The following SRCAP variants were observed in gnomAD, a reference collection of about 807,000 sequenced individuals.
The protein encoded by SRCAP is Snf2 related CREBBP activator protein, also known as chromatin remodeling protein SRCAP.
A neutral mutation model predicts 263.1 loss-of-function variants in SRCAP; 46 were observed. That is an observed-to-expected ratio of 0.17 (90% confidence interval 0.14 to 0.22). The LOEUF is 0.22. Among genes scored for constraint, SRCAP ranks in the 10% least tolerant of loss-of-function variants. The pLI, the probability that SRCAP is intolerant of heterozygous loss-of-function variation, is 1.00. For synonymous variants in SRCAP, 1,813 were observed against 1,662.1 expected (o/e 1.09, Z -2.21); for missense variants, 3,695 against 4,181.9 (o/e 0.88, Z 3.21).
chr16:30,721,452 C>T lies in SRCAP; in HGVS notation c.3517C>T (p.Pro1173Ser), dbSNP rs779616437. Residue 1173 changes from proline to serine, a missense_variant, in exon 21 of 34, where the codon CCC becomes TCC. Pro to Ser is a moderately conservative substitution (Grantham distance 74). Around this residue, in one of 12 missense-constraint regions of SRCAP, gnomAD observed 1,347 missense variants for 1,304.4 expected, o/e 1.03. Coordinates refer to ENST00000262518, the MANE Select transcript of SRCAP (RefSeq NM_006662.3). The part of the protein sequence containing the change: ...TPAPQRLILS[P>S]DMQARLPSGE... ...TGCACCACAGCGCCTCATTCTATCT[C>T]CCGATATGCAGGCTCGCCTGCCCTG... The T allele has an allele frequency of 1.9e-6, 3 of 1,611,600 alleles. No individual in the cohort carries two copies. Among genetic ancestry groups the T allele is most frequent in the Non-Finnish European group, 2.5e-6 (3 of 1,180,026 alleles).
intron 18 of SRCAP, among the ~76,000 whole-genome samples, chr16:30,719,790 A>G (rs542670134): frequency 6.6e-6 from 1 of 152,302 alleles, no homozygotes; most frequent in African/African-American, 2.4e-5. Context: ...CTGGGATTAC[A>G]GGTTTGAGCC....
rs2053094101 is a variant in SRCAP at position 30,729,572 on chromosome 16, G to A, written c.6127G>A (p.Gly2043Arg). 6.2e-7 allele frequency: 1 copy of A among 1,614,070 alleles called. No individual in the cohort carries two copies. Among genetic ancestry groups the A allele is most frequent in the Non-Finnish European group, 8.5e-7 (1 of 1,180,012 alleles). The part of the protein sequence containing the change: ...PDLRLIQYDC[G>R]KLQTLAVLLR... ...CTTAAGACTCATCCAGTATGATTGC[G>A]GTGAGTTTGTTGGCCAGTGTAGGAC... Residue 2043 changes from glycine to arginine, a missense_variant and splice_region_variant, in exon 27 of 34, where the codon GGA becomes AGA. Around this residue, in one of 12 missense-constraint regions of SRCAP, gnomAD observed 138 missense variants for 254.9 expected, o/e 0.54. Transcript: ENST00000262518.
intron 4 of SRCAP, among the ~76,000 whole-genome samples, chr16:30,706,961 T>A (rs2052834318): frequency 6.6e-6 from 1 of 152,188 alleles, no homozygotes; most frequent in Non-Finnish European, 1.5e-5. Flanking sequence ...AGCTGTGTGA[T>A]CTTGGGCAAA....
In SRCAP at chr16:30,716,388, C is replaced by G; in HGVS notation, c.2726C>G (p.Pro909Arg). Reference sequence around the variant, plus strand: ...TGCAATCATCCAAATCTGTTCGACCCTCGACCGGTTACCTCCCCTTTCATC... The same window carrying G: ...TGCAATCATCCAAATCTGTTCGACCGTCGACCGGTTACCTCCCCTTTCATC... Reference protein sequence around the residue: ...KVCNHPNLFDPRPVTSPFITP... With the variant: ...KVCNHPNLFDRRPVTSPFITP... Residue 909 changes from proline to arginine, a missense_variant, in exon 18 of 34, where the codon CCT (proline) becomes CGT (arginine). Transcript: ENST00000262518. 2 of 1,614,196 alleles carry G rather than the reference C, an allele frequency of 1.2e-6. No individual in the cohort carries two copies. The highest frequency in any genetic ancestry group is 1.7e-6 in the Non-Finnish European group (2 of 1,180,046).
rs555360050 is a variant in SRCAP, at chr16:30,725,169, A to C, written c.5658+87A>C. ...GGATGGAACAGTGATGTCACATTTA[A>C]CCTGGTGAATTACAAAGCTTAATGT... On this transcript the variant is annotated intron_variant, in intron 25 of 33. Coordinates refer to ENST00000262518, the MANE Select transcript of SRCAP (RefSeq NM_006662.3). 1.2e-4 allele frequency: 177 copies of C among 1,512,464 alleles called. No individual in the cohort carries two copies. In the African/African-American group the frequency reaches 2.3e-3, roughly 19 times the overall value. 93.7% of individuals were successfully genotyped at this position (1,512,464 alleles called of 1,614,324 possible).
At chr16:30,713,407 G>A (rs758479922) in intron 15 of SRCAP, 30 bp downstream of exon 15, 29 of 1,613,544 alleles carry the variant, frequency 1.8e-5, no homozygotes, top group Non-Finnish European at 2.4e-5. Flanking sequence ...TTCATGGGAG[G>A]GTTGACTTGG....
intron 3 of SRCAP, among the ~76,000 whole-genome samples, chr16:30,701,686 A>C (rs544356080): frequency 6.8e-6 from 1 of 146,340 alleles, no homozygotes; most frequent in Non-Finnish European, 1.5e-5. Context: ...CTGGAATGCA[A>C]TGGCGCGATC....
At chr16:30,707,820 A>G (rs1364385812) in intron 6 of SRCAP, 108 bp downstream of exon 6, 33 of 1,394,664 alleles carry the variant, frequency 2.4e-5, no homozygotes, top group Non-Finnish European at 1.4e-5. Flanking sequence ...AATTTCAGGC[A>G]ACTCTAATGA....
intron 25 of SRCAP, chr16:30,725,624 T>C (rs2053056959): frequency 1.3e-5 from 2 of 153,488 alleles, no homozygotes; most frequent in South Asian, 4.1e-4. Flanking sequence ...CCTTTGGTTT[T>C]TACCTGACCA....
In SRCAP at chr16:30,733,550, T is replaced by G; in HGVS notation, c.6298-52T>G. 3.1e-6 allele frequency: 5 copies of G among 1,602,600 alleles called. No individual in the cohort carries two copies. ...CGGGGTGCCACTAAGCCTTTAGACC[T>G]GTTTTGGGGGATAAGTCTCCCAGTA... is the stretch of plus-strand genomic sequence containing the variant. On this transcript the variant is annotated intron_variant, in intron 28 of 33. Transcript: ENST00000262518. This position sits in a 1 kb window ranked among gnomAD's most constrained non-coding sequence, Gnocchi z 5.3.
In SRCAP at chr16:30,738,520, C is replaced by T; in HGVS notation, c.8480C>T (p.Ala2827Val). The T allele has an allele frequency of 6.2e-7, 1 of 1,611,954 alleles. No individual in the cohort carries two copies. Among genetic ancestry groups the T allele is most frequent in the Non-Finnish European group, 8.5e-7 (1 of 1,178,924 alleles). ...ACTCCACCCCAGCAGCCCTTCATTG[C>T]TCGCCGTCACATTGAGCTGGGGGTG... The part of the protein sequence containing the change: ...LPTPPQQPFI[A>V]RRHIELGVTG... The change falls in exon 34 of 34, where the codon GCT (alanine) becomes GTT (valine). Residue 2827 changes from alanine (A) to valine (V), a missense_variant. By Grantham distance (64) the Ala-to-Val change is moderately conservative. Transcript: ENST00000262518.
chr16:30,700,508 A>T (rs1230090894), intron 2 of SRCAP, 108 bp from the exon 3 acceptor site: 2 of 256,848 alleles, frequency 7.8e-6, no homozygotes, highest in Admixed American at 9.9e-5. Context: ...GTAACCTGTA[A>T]TTTCTGTGTT....
chr16:30,727,132 C>G (rs752655552), intron 25 of SRCAP, among the ~76,000 whole-genome samples: 3 of 152,140 alleles, frequency 2.0e-5, no homozygotes, highest in Non-Finnish European at 4.4e-5. Flanking sequence ...AGCCACCATG[C>G]CTGGCACATC....
chr16:30,728,293 G>T (rs2053081816), intron 25 of SRCAP, among the ~76,000 whole-genome samples: 1 of 152,234 alleles, frequency 6.6e-6, no homozygotes. Context: ...CTACCGTGTA[G>T]TGGATAGATA....
Position 30,721,473 on chromosome 16 carries a change from C to A in SRCAP, c.3538C>A (p.Pro1180Thr). ...ATCTCCCGATATGCAGGCTCGCCTG[C>A]CCTGTAAGTTCCCAGGGCTCTGTGG... ...ILSPDMQARL[P>T]SGEVVSIGQL... The change falls in exon 21 of 34, where the codon CCC becomes ACC. Residue 1180 changes from proline (P) to threonine (T), a missense_variant. Transcript: ENST00000262518. The A allele has an allele frequency of 6.2e-7, 1 of 1,608,548 alleles. No homozygotes were observed.
chr16:30,707,650 C>T lies in SRCAP; in HGVS notation c.571C>T (p.Leu191=). The change falls in exon 6 of 34, where the codon CTG becomes TTG. Residue 191 remains leucine (L), a synonymous_variant. Transcript: ENST00000262518. ...ERARREEQAK[L]RRIASTMAKD... is the part of the protein sequence containing the mutation. ...GGCCCGGAGGGAGGAGCAGGCCAAGCTGCGTCGAATTGCTTCCACCATGGC... is the reference window on the plus strand; with the variant it reads ...GGCCCGGAGGGAGGAGCAGGCCAAGTTGCGTCGAATTGCTTCCACCATGGC... 1.2e-6 allele frequency: 2 copies of T among 1,614,162 alleles called. No homozygotes were observed. Among genetic ancestry groups the T allele is most frequent in the South Asian group, 2.2e-5 (2 of 91,088 alleles).
At chr16:30,714,568 C>G (rs1210877695) in intron 16 of SRCAP, among the ~76,000 whole-genome samples, 2 of 128,400 alleles carry the variant, frequency 1.6e-5, no homozygotes, top group Non-Finnish European at 3.1e-5. Flanking sequence ...GTGGCGTGAT[C>G]TGGCTCATTG....
In SRCAP at chr16:30,716,053, A is replaced by T; in HGVS notation, c.2494-13A>T. 1.2e-6 allele frequency: 2 copies of T among 1,613,762 alleles called. No individual in the cohort carries two copies. Among genetic ancestry groups the T allele is most frequent in the Non-Finnish European group, 1.7e-6 (2 of 1,179,986 alleles). On this transcript the variant is annotated splice_polypyrimidine_tract_variant and intron_variant, in intron 16 of 33. Transcript: ENST00000262518. The stretch of plus-strand genomic sequence containing the variant: ...AGTTCTCCTGTTTAGCCTCCAGCTT[A>T]ATTTGCTTTTAGGTTTTGAGGCCTT...
At chr16:30,725,310 C>T in intron 25 of SRCAP, 1 of 809,952 alleles carries the variant, frequency 1.2e-6, no homozygotes, top group East Asian at 3.3e-5. Flanking sequence ...GGTGAGCCAC[C>T]ACGCCCGGCC....
Sources: gnomAD v4.1 joint callset for allele counts (sites outside exome capture counted in the v4.1 genomes callset) on GRCh38, gnomAD v4.1.1 for gene constraint, gnomAD v4.1.1 regional missense constraint, Gnocchi (gnomAD v3.1) non-coding constraint, MANE v1.5 for transcripts, NCBI Gene and HGNC (gene_info 2026-07-23, HGNC 2026-07-21) for gene names.